The following CAST variants were observed in gnomAD, a reference collection of about 807,000 sequenced individuals.
The protein encoded by CAST is calpastatin, also known as MIR583 host.
Under a neutral mutation model 119.6 loss-of-function variants are expected in CAST, and 76 were observed. The ratio of observed to expected loss-of-function variants is 0.64; its 90% CI spans 0.53 to 0.77. The LOEUF (loss-of-function observed/expected upper bound fraction) is 0.77. Ranked by LOEUF, CAST falls within the 30% of genes least tolerant of loss-of-function variation. The probability of loss-of-function intolerance (pLI) is 0.00; values close to 1 mark genes in which losing one functional copy is unlikely to be tolerated. For synonymous variants in CAST, 319 were observed against 331.6 expected (o/e 0.96, Z 0.41); for missense variants, 953 against 946.5 (o/e 1.01, Z -0.09).
the CAST span, among the ~76,000 whole-genome samples, chr5:96,434,328 G>A: frequency 3.3e-5 from 5 of 152,170 alleles, no homozygotes; most frequent in Non-Finnish European, 7.4e-5. Flanking sequence ...CCGAGGTCTG[G>A]ACAGCGACAC....
chr5:96,576,170 T>C (rs1004944792), intron 1 of CAST, among the ~76,000 whole-genome samples: 5 of 152,198 alleles, frequency 3.3e-5, no homozygotes, highest in Non-Finnish European at 7.4e-5. Flanking sequence ...GTTCTGTTGT[T>C]TTCTTTTTTT....
At chr5:96,065,492 C>T in the CAST span, among the ~76,000 whole-genome samples, 1 of 151,784 alleles carries the variant, frequency 6.6e-6, no homozygotes, top group Admixed American at 6.6e-5. Context: ...ATTCTCTATA[C>T]TGTGTATATA....
Position 96,638,094 on chromosome 5 carries a change from T to A in CAST, c.61-37445T>A, listed in dbSNP as rs73136654. On this transcript the variant is annotated intron_variant, in intron 1 of 11. Coordinates refer to the CAST transcript ENST00000505143. ...AGAGGTTGGGCCCTTCATCTGGGTGTTTTTATGCACTAAGCAAAATGCCCT... is the reference window on the plus strand; with the variant it reads ...AGAGGTTGGGCCCTTCATCTGGGTGATTTTATGCACTAAGCAAAATGCCCT... Among the ~76,000 whole-genome samples the A allele has an allele frequency of 8.4e-3, 1,282 of 152,228 alleles. 22 individuals carry two copies. Among genetic ancestry groups the A allele is most frequent in the African/African-American group, 0.028 (1,174 of 41,520 alleles).
chr5:96,346,785 C>G, the CAST span, among the ~76,000 whole-genome samples: 51 of 152,250 alleles, frequency 3.3e-4, no homozygotes, highest in South Asian at 1.0e-2. Flanking sequence ...TGACCCCCAT[C>G]TGTCATAAGT....
At chr5:96,097,251 A>G in the CAST span, among the ~76,000 whole-genome samples, 1 of 151,532 alleles carries the variant, frequency 6.6e-6, no homozygotes, top group Non-Finnish European at 1.5e-5. Context: ...GCCTTTTTGA[A>G]TTAGTTGTGT....
the CAST span, among the ~76,000 whole-genome samples, chr5:96,424,020 G>A: frequency 2.0e-5 from 3 of 152,218 alleles, no homozygotes; most frequent in Non-Finnish European, 4.4e-5. Flanking sequence ...AAGTGTCTGT[G>A]AGAGGAGATT....
the CAST span, chr5:96,391,280 C>T: frequency 6.6e-6 from 1 of 152,156 alleles, no homozygotes; most frequent in Non-Finnish European, 1.5e-5. Context: ...TACTTCAAGC[C>T]AAAGCAAATG....
the CAST span, among the ~76,000 whole-genome samples, chr5:95,998,317 T>C: frequency 1.3e-5 from 2 of 151,954 alleles, no homozygotes; most frequent in Non-Finnish European, 2.9e-5. Flanking sequence ...TATGCATATA[T>C]TGTATAGTGG....
the CAST span, among the ~76,000 whole-genome samples, chr5:96,211,054 A>G: frequency 6.6e-6 from 1 of 151,928 alleles, no homozygotes; most frequent in East Asian, 1.9e-4. Flanking sequence ...TAGTATTTTT[A>G]GGAGATTTCT....
chr5:96,167,031 C>T, the CAST span, among the ~76,000 whole-genome samples: 1 of 151,988 alleles, frequency 6.6e-6, no homozygotes, highest in Non-Finnish European at 1.5e-5. Context: ...TTGGAAGAAA[C>T]ATTTGTCATA....
At chr5:96,443,529 T>C in the CAST span, among the ~76,000 whole-genome samples, 5 of 152,232 alleles carry the variant, frequency 3.3e-5, no homozygotes, top group Non-Finnish European at 7.3e-5. Flanking sequence ...TTGGATACTA[T>C]ATCTGTATAG....
the CAST span, among the ~76,000 whole-genome samples, chr5:96,018,953 C>T: frequency 6.6e-6 from 1 of 152,140 alleles, no homozygotes; most frequent in Non-Finnish European, 1.5e-5. Context: ...TGTAAATAAA[C>T]GAGCTTGGGT....
the CAST span, among the ~76,000 whole-genome samples, chr5:96,399,352 G>A: frequency 6.6e-6 from 1 of 152,098 alleles, no homozygotes; most frequent in African/African-American, 2.4e-5. Context: ...CATGCCCCAA[G>A]CCTCCCATCC....
the CAST span, among the ~76,000 whole-genome samples, chr5:96,256,116 G>C: frequency 1.3e-5 from 2 of 151,156 alleles, no homozygotes; most frequent in African/African-American, 4.9e-5. Context: ...TGGTTAAGGA[G>C]AATTTTTATG....
At chr5:96,258,446 A>G in the CAST span, among the ~76,000 whole-genome samples, 13 of 152,200 alleles carry the variant, frequency 8.5e-5, no homozygotes, top group Non-Finnish European at 7.3e-5. Flanking sequence ...TTTAAGATAA[A>G]TGCTTTTTCA....
chr5:96,383,536 T>C, the CAST span, among the ~76,000 whole-genome samples: 1 of 152,150 alleles, frequency 6.6e-6, no homozygotes, highest in Non-Finnish European at 1.5e-5. Flanking sequence ...AACCTTCACC[T>C]CCCAGGTTCA....
chr5:96,721,291 T>C lies in CAST; in HGVS notation c.211-1348T>C, dbSNP rs1443137782. On this transcript the variant is annotated intron_variant, in intron 3 of 31. Coordinates refer to ENST00000675179, the MANE Select transcript of CAST (RefSeq NM_001750.7). ...TATATGATTATTTTTGAAAAATAAGTATACTAAAGCTTTGGATTTCTGTCT... is the reference window on the plus strand; with the variant it reads ...TATATGATTATTTTTGAAAAATAAGCATACTAAAGCTTTGGATTTCTGTCT... Among the ~76,000 whole-genome samples, 3 of 152,108 alleles carry C rather than the reference T, an allele frequency of 2.0e-5. No individual in the cohort carries two copies. In the South Asian group the frequency reaches 6.2e-4, roughly 31 times the overall value.
intron 1 of CAST, among the ~76,000 whole-genome samples, chr5:96,601,224 G>A (rs1366387265): frequency 6.6e-6 from 1 of 152,140 alleles, no homozygotes; most frequent in Non-Finnish European, 1.5e-5. Flanking sequence ...AAATGGAAAG[G>A]AAATCTGTTT....
intron 3 of CAST, chr5:96,702,965 T>C (rs1295872143): frequency 8.1e-6 from 8 of 984,712 alleles, no homozygotes; most frequent in Non-Finnish European, 7.2e-6. Context: ...TGCTCCCGGG[T>C]CTAGGGCCTG....
Sources: gnomAD v4.1 joint callset for allele counts (sites outside exome capture counted in the v4.1 genomes callset) on GRCh38, gnomAD v4.1.1 for gene constraint, MANE v1.5 for transcripts, NCBI Gene and HGNC (gene_info 2026-07-23, HGNC 2026-07-21) for gene names.